The following FBXL2 variants were observed in gnomAD, a reference collection of about 807,000 sequenced individuals.
FBXL2 encodes F-box/LRR-repeat protein 2.
FBXL2 carries 38 observed loss-of-function variants against 69.2 expected under a neutral mutation model. The ratio of observed to expected loss-of-function variants is 0.55; its 90% CI spans 0.42 to 0.72. The LOEUF (loss-of-function observed/expected upper bound fraction) is 0.72. FBXL2 is among the 30% of genes least tolerant of loss of function. FBXL2 has a pLI of 0.00. For missense variants in FBXL2, 354 were observed against 520.3 expected (o/e 0.68, Z 3.11); for synonymous variants, 192 against 201.3 (o/e 0.95, Z 0.39).
At position 33,372,980 on chromosome 3, in the gene FBXL2, C is replaced by G. The variant is rs918489273; in HGVS notation, c.291-112C>G. Reference sequence around the variant, plus strand: ...TGACAAGAACCCTAGCTGATTGTTACGCGCTTTAATTAAGTTTGAGGGAGC... The same window carrying G: ...TGACAAGAACCCTAGCTGATTGTTAGGCGCTTTAATTAAGTTTGAGGGAGC... On this transcript the variant is annotated intron_variant, in intron 5 of 14. Coordinates refer to ENST00000484457, the MANE Select transcript of FBXL2 (RefSeq NM_012157.5). The G allele has an allele frequency of 3.4e-5, 30 of 876,644 alleles. No individual in the cohort carries two copies. The African/African-American group carries it at 4.0e-4, about 12-fold the overall frequency. 54.3% of individuals were successfully genotyped at this position (876,644 alleles called of 1,614,324 possible).
intron 2 of FBXL2, among the ~76,000 whole-genome samples, chr3:33,333,728 A>G (rs1449443358): frequency 6.6e-6 from 1 of 152,160 alleles, no homozygotes. Flanking sequence ...CCCAAATGCA[A>G]AGAGGAATCA....
At chr3:33,356,113 C>T (rs913179322) in intron 2 of FBXL2, among the ~76,000 whole-genome samples, 1 of 152,094 alleles carries the variant, frequency 6.6e-6, no homozygotes, top group African/African-American at 2.4e-5. Context: ...TGTGTCTCAG[C>T]GTGTGAGCTC....
At chr3:33,286,262 G>T (rs2034602951) in intron 1 of FBXL2, among the ~76,000 whole-genome samples, 1 of 152,186 alleles carries the variant, frequency 6.6e-6, no homozygotes, top group Non-Finnish European at 1.5e-5. Context: ...TAACAGTCAG[G>T]ACCCTCAGCT....
intron 12 of FBXL2, chr3:33,400,199 A>T (rs754922328): frequency 6.3e-7 from 1 of 1,588,638 alleles, no homozygotes; most frequent in Non-Finnish European, 8.5e-7. Context: ...CTGAAAAATT[A>T]GAGAACAGTC....
At chr3:33,282,220 T>C (rs1472441547) in intron 1 of FBXL2, among the ~76,000 whole-genome samples, 2 of 152,230 alleles carry the variant, frequency 1.3e-5, no homozygotes, top group African/African-American at 4.8e-5. Context: ...AATTAATTTT[T>C]GTATAAGGTA....
chr3:33,375,375 G>A lies in FBXL2; in HGVS notation c.745G>A (p.Asp249Asn). Residue 249 changes from aspartate (D) to asparagine (N), a missense_variant, in exon 10 of 15, where the codon GAT becomes AAT. Transcript: ENST00000484457. ...CCTTTCGGGTTGCAGCAACCTCACA[G>A]ATGCCTCTCTTACAGCCCTGGGTTT... ...LCLSGCSNLT[D>N]ASLTALGLNC... is the part of the protein sequence containing the mutation. The A allele has an allele frequency of 6.2e-7, 1 of 1,614,186 alleles. No homozygotes were observed. Among genetic ancestry groups the A allele is most frequent in the Non-Finnish European group, 8.5e-7 (1 of 1,180,012 alleles).
chr3:33,293,438 A>C (rs1391676223), intron 1 of FBXL2, among the ~76,000 whole-genome samples: 1 of 152,234 alleles, frequency 6.6e-6, no homozygotes, highest in African/African-American at 2.4e-5. Flanking sequence ...ACAAAGGTGT[A>C]AGTGGAAGAT....
intron 2 of FBXL2, chr3:33,300,594 G>A (rs1431879225): frequency 6.6e-6 from 1 of 152,112 alleles, no homozygotes; most frequent in African/African-American, 2.4e-5. Context: ...ATTAACTCTA[G>A]CCAACCATGT....
the FBXL2 span, chr3:33,408,898 G>A: frequency 5.6e-6 from 6 of 1,079,406 alleles, no homozygotes; most frequent in South Asian, 8.3e-5. Flanking sequence ...ACAAATGCAT[G>A]ACTAACAGGA....
intron 2 of FBXL2, among the ~76,000 whole-genome samples, chr3:33,346,850 CAGTA>C (rs2040478174): frequency 6.6e-6 from 1 of 152,100 alleles, no homozygotes; most frequent in Non-Finnish European, 1.5e-5. Flanking sequence ...TGTGGATACA[CAGTA>C]AGCATATATA....
At chr3:33,285,369 C>T (rs1463827198) in intron 1 of FBXL2, among the ~76,000 whole-genome samples, 3 of 152,100 alleles carry the variant, frequency 2.0e-5, no homozygotes, top group Non-Finnish European at 4.4e-5. Flanking sequence ...AATATTGGCC[C>T]CCACTCTCTT....
intron 2 of FBXL2, among the ~76,000 whole-genome samples, chr3:33,344,826 A>G (rs1299131444): frequency 6.6e-6 from 1 of 152,184 alleles, no homozygotes; most frequent in East Asian, 1.9e-4. Context: ...TGATTAAGAA[A>G]AGAAAGAAGG....
rs150773769 is a variant in FBXL2 at position 33,397,292 on chromosome 3, T to C, written n.1215-5942T>C. ...CAATATAAGAAGACAAACAGACACC[T>C]GTCCTTCAGAGCCAAGGAAAATGCT... On this transcript the variant is annotated intron_variant and non_coding_transcript_variant, in intron 12 of 12. Transcript: ENST00000463736. The C allele has an allele frequency of 1.9e-5, 10 of 519,068 alleles. 1 individual carries two copies. The highest frequency in any genetic ancestry group is 1.4e-4 in the African/African-American group (7 of 50,806). 32.2% of individuals were successfully genotyped at this position (519,068 alleles called of 1,614,324 possible).
At chr3:33,408,859 C>G in the FBXL2 span, 1 of 1,376,008 alleles carries the variant, frequency 7.3e-7, no homozygotes. Context: ...GATCTAACAC[C>G]CTGTTTCATG....
At chr3:33,402,918 C>T (rs2044284389) in intron 12 of FBXL2, 4 of 1,586,624 alleles carry the variant, frequency 2.5e-6, no homozygotes, top group Middle Eastern at 1.7e-4. Context: ...AGGACAGAAA[C>T]AGAAATAAAT....
chr3:33,417,445 A>G, the FBXL2 span, among the ~76,000 whole-genome samples: 5 of 152,212 alleles, frequency 3.3e-5, no homozygotes, highest in African/African-American at 7.2e-5. Flanking sequence ...AGGTTCACCC[A>G]TATGTAGTAT....
intron 1 of FBXL2, among the ~76,000 whole-genome samples, chr3:33,293,564 C>T (rs2035457716): frequency 2.0e-5 from 3 of 152,122 alleles, no homozygotes; most frequent in Non-Finnish European, 4.4e-5. Context: ...GTAGACTCTA[C>T]AGGAGCATTG....
chr3:33,372,991 TAA>T, intron 5 of FBXL2, 99 bp from the exon 6 acceptor site: 1 of 972,194 alleles, frequency 1.0e-6, no homozygotes, highest in East Asian at 2.4e-5. Context: ...GCGCTTTAAT[TAA>T]GTTTGAGGGA....
intron 13 of FBXL2, 69 bp downstream of exon 13, chr3:33,378,810 G>A (rs759437567): frequency 6.2e-7 from 1 of 1,612,866 alleles, no homozygotes; most frequent in Admixed American, 1.7e-5. Context: ...ACAACAAGAA[G>A]CTGTTTGGGT....
Sources: allele counts gnomAD v4.1 joint callset (sites outside exome capture counted in the v4.1 genomes callset), GRCh38; gene constraint gnomAD v4.1.1; transcripts MANE v1.5; gene names NCBI Gene and HGNC (gene_info 2026-07-23, HGNC 2026-07-21).